Variants in TULP2 observed in about 807,000 individuals in gnomAD.
TULP2 encodes the protein tubby-related protein 2.
TULP2 carries 64 observed loss-of-function variants against 60.3 expected under a neutral mutation model. The ratio of observed to expected loss-of-function variants is 1.06; its 90% CI spans 0.87 to 1.31. The LOEUF is 1.31. Ranked by LOEUF, TULP2 falls within the 50% of genes most tolerant of loss-of-function variation. The probability of loss-of-function intolerance (pLI) is 0.00; values close to 1 mark genes in which losing one functional copy is unlikely to be tolerated. For synonymous variants in TULP2, 267 were observed against 265.4 expected (o/e 1.01, Z -0.06); for missense variants, 652 against 667.0 (o/e 0.98, Z 0.25).
In TULP2 at chr19:48,897,372, A is replaced by G. The variant is rs766155131; in HGVS notation, c.57T>C (p.Ala19=). ...GCTGTTCCAGCTTCTGCAGCCTCAT[A>G]GCAGCGAGCTCATGCCCCAGGATGC... ...MRDILGHELA[A]MRLQKLEQQR... is the part of the protein sequence containing the mutation. The change falls in exon 3 of 13, where the codon GCT becomes GCC. Residue 19 remains alanine, a synonymous_variant. Coordinates refer to ENST00000221399, the MANE Select transcript of TULP2 (RefSeq NM_003323.3). This position sits in a 1 kb window ranked among gnomAD's most constrained non-coding sequence, Gnocchi z 4.0. 3.1e-6 allele frequency: 5 copies of G among 1,613,934 alleles called. No homozygotes were observed. Among genetic ancestry groups the G allele is most frequent in the African/African-American group, 1.3e-5 (1 of 75,046 alleles).
rs2037290670 is a variant in TULP2 at position 48,897,204 on chromosome 19, T to G, written c.84+141A>C. 3 of 950,340 alleles carry G rather than the reference T, an allele frequency of 3.2e-6. No homozygotes were observed. The South Asian group carries it at 4.4e-5, about 14-fold the overall frequency. The allele number at this position is 950,340 out of a possible 1,614,324, so 58.9% of individuals were successfully genotyped here. A position where few individuals can be genotyped will look rare whatever the true frequency, so the allele number is the denominator to read the frequency against. On this transcript the variant is annotated intron_variant, in intron 3 of 12. Transcript: ENST00000221399. This position sits in a 1 kb window ranked among gnomAD's most constrained non-coding sequence, Gnocchi z 4.0. Reference sequence around the variant, plus strand: ...CCTGCCCGGCCCCAAATTCCTATTTTCTCATTTCTCAGTGGGAAAACTCAA... The same window carrying G: ...CCTGCCCGGCCCCAAATTCCTATTTGCTCATTTCTCAGTGGGAAAACTCAA...
Position 48,892,655 on chromosome 19 carries a change from C to G in TULP2, c.514+2343G>C, listed in dbSNP as rs79765159. Among the ~76,000 whole-genome samples, 597 of 152,054 alleles carry G rather than the reference C, an allele frequency of 3.9e-3. 4 individuals are homozygous for G. The highest frequency in any genetic ancestry group is 0.014 in the African/African-American group (562 of 41,476). On this transcript the variant is annotated intron_variant, in intron 6 of 12. Transcript: ENST00000221399. ...AATAGCTGGGACTACAGGCGCCCACCACCGCAACCGGCTAATTTTTTGTAT... is the reference window on the plus strand; with the variant it reads ...AATAGCTGGGACTACAGGCGCCCACGACCGCAACCGGCTAATTTTTTGTAT...
rs1312287328 is a variant in TULP2, at chr19:48,885,568, T to C, written c.949-8A>G. 1 of 1,612,048 alleles carries C rather than the reference T, an allele frequency of 6.2e-7. No homozygotes were observed. Among genetic ancestry groups the C allele is most frequent in the Non-Finnish European group, 8.5e-7 (1 of 1,178,488 alleles). On this transcript the variant is annotated splice_region_variant and splice_polypyrimidine_tract_variant and intron_variant, in intron 8 of 12. Coordinates refer to ENST00000221399, the MANE Select transcript of TULP2 (RefSeq NM_003323.3). ...CCCAGCCAGGAGGAAGCGCTATGGA[T>C]GAGAGGAACAGTCCATTAGAATGGA...
rs2037297692 is a variant in TULP2, at chr19:48,897,967, A to ATTTG, written c.-1-99_-1-98insCAAA. 4.3e-6 allele frequency: 4 copies of ATTTG among 923,056 alleles called. No individual in the cohort carries two copies. 57.2% of individuals were successfully genotyped at this position (923,056 alleles called of 1,614,324 possible). A position where few individuals can be genotyped will look rare whatever the true frequency, so the allele number is the denominator to read the frequency against. On this transcript the variant is annotated intron_variant, in intron 1 of 12. Coordinates refer to ENST00000221399, the MANE Select transcript of TULP2 (RefSeq NM_003323.3). This position sits in a 1 kb window ranked among gnomAD's most constrained non-coding sequence, Gnocchi z 4.0. ...TTTAGCCTTATTTATTTATTTATTTATTTATTTATTTATGTATTTAGAGAC... is the reference window on the plus strand; with the variant it reads ...TTTAGCCTTATTTATTTATTTATTTATTTGTTTATTTATTTATGTATTTAGAGAC...
chr19:48,893,063 T>C (rs1390534123), intron 6 of TULP2, among the ~76,000 whole-genome samples: 2 of 151,546 alleles, frequency 1.3e-5, no homozygotes, highest in Non-Finnish European at 2.9e-5. Flanking sequence ...GGCAACATAG[T>C]GACACACCAT....
In TULP2 at chr19:48,887,969, T is replaced by C; in HGVS notation, c.929A>G (p.Glu310Gly). 6.2e-7 allele frequency: 1 copy of C among 1,611,274 alleles called. No homozygotes were observed. The highest frequency in any genetic ancestry group is 8.5e-7 in the Non-Finnish European group (1 of 1,177,646). Residue 310 changes from glutamate to glycine, a missense_variant, in exon 8 of 13, where the codon GAG (glutamate) becomes GGG (glycine). Glu to Gly is a moderately conservative substitution (Grantham distance 98). Coordinates refer to ENST00000221399, the MANE Select transcript of TULP2 (RefSeq NM_003323.3). The stretch of plus-strand genomic sequence containing the variant: ...CTGCACCTGCAGGCTGTCAGAGGTC[T>C]CCAGGTAGAGGTAGTAGAGGGGGAA... ...GLFPLYYLYL[E>G]TSDSLQRFLL...
In TULP2 at chr19:48,896,314, C is replaced by T. The variant is rs569614564; in HGVS notation, c.211+116G>A. The T allele has an allele frequency of 4.3e-6, 6 of 1,380,418 alleles. No homozygotes were observed. The South Asian group carries it at 7.5e-5, about 17-fold the overall frequency. The allele number at this position is 1,380,418 out of a possible 1,614,324, so 85.5% of individuals were successfully genotyped here. A position where few individuals can be genotyped will look rare whatever the true frequency, so the allele number is the denominator to read the frequency against. ...AGCTCTCCTGGGCCAAGGCCCGCCC[C>T]CATCCACTGCCAAGTCCCCACCCTA... On this transcript the variant is annotated intron_variant, in intron 4 of 12. Coordinates refer to ENST00000221399, the MANE Select transcript of TULP2 (RefSeq NM_003323.3).
At position 48,894,716 on chromosome 19, in the gene TULP2, A is replaced by G. The variant is rs570789364; in HGVS notation, c.514+282T>C. On this transcript the variant is annotated intron_variant, in intron 6 of 12. Coordinates refer to ENST00000221399, the MANE Select transcript of TULP2 (RefSeq NM_003323.3). ...TATAAGTTATCTAGAGATGACTTACAGTATATGGGGGGATGTTCATAGTTT... is the reference window on the plus strand; with the variant it reads ...TATAAGTTATCTAGAGATGACTTACGGTATATGGGGGGATGTTCATAGTTT... Among the ~76,000 whole-genome samples the G allele has an allele frequency of 2.0e-5, 3 of 152,150 alleles. No homozygotes were observed. The South Asian group carries it at 6.2e-4, about 31-fold the overall frequency.
chr19:48,888,165 C>T lies in TULP2; in HGVS notation c.733G>A (p.Glu245Lys), dbSNP rs2270945. Reference sequence around the variant, plus strand: ...ATATGGTCGCTGTCCGTGCCACCCTCGCCTTTCAGGGCCTTGGACAACTCT... The same window carrying T: ...ATATGGTCGCTGTCCGTGCCACCCTTGCCTTTCAGGGCCTTGGACAACTCT... Reference protein sequence around the residue: ...NEELSKALKGEGGTDSDHMRH... With the variant: ...NEELSKALKGKGGTDSDHMRH... Residue 245 changes from glutamate (E) to lysine (K), a missense_variant, in exon 8 of 13, where the codon GAG (glutamate) becomes AAG (lysine). Transcript: ENST00000221399. 1.0e-4 allele frequency: 162 copies of T among 1,614,216 alleles called. 2 individuals are homozygous for T. In the East Asian group the frequency reaches 2.7e-3, roughly 27 times the overall value.
At chr19:48,888,908 C>T (rs2037207716) in intron 7 of TULP2, among the ~76,000 whole-genome samples, 1 of 151,798 alleles carries the variant, frequency 6.6e-6, no homozygotes, top group Non-Finnish European at 1.5e-5. Flanking sequence ...AGGCGTGAGT[C>T]ACCGTTCCTG....
chr19:48,893,210 A>G (rs886882653), intron 6 of TULP2, among the ~76,000 whole-genome samples: 1 of 152,022 alleles, frequency 6.6e-6, no homozygotes, highest in Admixed American at 6.6e-5. Context: ...TCTACTAAAA[A>G]ACACAAAAAA....
chr19:48,895,436 G>T lies in TULP2; in HGVS notation c.279C>A (p.Ala93=). The change falls in exon 5 of 13, where the codon GCC becomes GCA. Residue 93 remains alanine, a synonymous_variant. Transcript: ENST00000221399. ...EAHLPSGIHS[A]LGTVSCGGDG... ...CTCCACCACAGCTCACGGTGCCCAG[G>T]GCACTGTGGATGCCAGAGGGCAGAT... 1 of 1,613,900 alleles carries T rather than the reference G, an allele frequency of 6.2e-7. No individual in the cohort carries two copies. Among genetic ancestry groups the T allele is most frequent in the Non-Finnish European group, 8.5e-7 (1 of 1,179,904 alleles).
chr19:48,889,876 C>G (rs1284893018), intron 6 of TULP2, among the ~76,000 whole-genome samples: 1 of 152,160 alleles, frequency 6.6e-6, no homozygotes, highest in African/African-American at 2.4e-5. Context: ...CAGCATGCTC[C>G]TAAAGAGTCA....
At chr19:48,887,244 C>T (rs192028218) in intron 8 of TULP2, among the ~76,000 whole-genome samples, 1 of 148,034 alleles carries the variant, frequency 6.8e-6, no homozygotes, top group South Asian at 2.2e-4. Flanking sequence ...AACTCCTGAC[C>T]TTGTGATCTG....
rs113182131 is a variant in TULP2, at chr19:48,888,113, C to T, written c.785G>A (p.Arg262His). The change falls in exon 8 of 13, where the codon CGC (arginine) becomes CAC (histidine). Residue 262 changes from arginine (R) to histidine (H), a missense_variant. Coordinates refer to ENST00000221399, the MANE Select transcript of TULP2 (RefSeq NM_003323.3). ...HMRHEASLAI[R>H]SPCPGLEEDM... ...CTCCTCCAGCCCAGGGCAGGGGGAG[C>T]GGATTGCCAAGGAGGCTTCGTGCCT... 6.9e-4 allele frequency: 1,114 copies of T among 1,614,196 alleles called. 9 individuals are homozygous for T. In the African/African-American group the frequency reaches 0.012, roughly 18 times the overall value.
intron 12 of TULP2, among the ~76,000 whole-genome samples, chr19:48,881,376 ATTTT>A (rs72139613): frequency 2.2e-5 from 2 of 90,466 alleles, no homozygotes; most frequent in East Asian, 2.8e-4. Flanking sequence ...CGTCCGGCTA[ATTTT>A]TTTTTTTTTT....
Position 48,897,393 on chromosome 19 carries a change from G to C in TULP2, c.36C>G (p.Ile12Met). ...SQDNDTLMRD[I>M]LGHELAAMRL... Reference sequence around the variant, plus strand: ...TCATAGCAGCGAGCTCATGCCCCAGGATGCTGAGAGAGACACAGGCCCATG... The same window carrying C: ...TCATAGCAGCGAGCTCATGCCCCAGCATGCTGAGAGAGACACAGGCCCATG... The change falls in exon 3 of 13, where the codon ATC (isoleucine) becomes ATG (methionine). Residue 12 changes from isoleucine (I) to methionine (M), a missense_variant. Ile to Met is a conservative substitution (Grantham distance 10, BLOSUM62 1). Coordinates refer to ENST00000221399, the MANE Select transcript of TULP2 (RefSeq NM_003323.3). The surrounding 1 kb of genome is among the most constrained non-coding windows in gnomAD (Gnocchi z 4.0). 1 of 1,613,664 alleles carries C rather than the reference G, an allele frequency of 6.2e-7. No individual in the cohort carries two copies. Among genetic ancestry groups the C allele is most frequent in the South Asian group, 1.1e-5 (1 of 90,936 alleles).
At position 48,882,133 on chromosome 19, in the gene TULP2, G is replaced by C. The variant is rs1372303504; in HGVS notation, c.1346C>G (p.Thr449Ser). ...ACCGTTCTCCTTGTCCCACGACGGG[G>C]TTTTGTTGTGCAACAAAAGCAACCC... The part of the protein sequence containing the change: ...KQGLLLLHNK[T>S]PSWDKENGVY... Residue 449 changes from threonine (T) to serine (S), a missense_variant, in exon 12 of 13, where the codon ACC becomes AGC. Transcript: ENST00000221399. The C allele has an allele frequency of 6.2e-7, 1 of 1,613,170 alleles. No individual in the cohort carries two copies. Among genetic ancestry groups the C allele is most frequent in the Non-Finnish European group, 8.5e-7 (1 of 1,179,686 alleles).
At chr19:48,887,359 C>T (rs1464533306) in intron 8 of TULP2, among the ~76,000 whole-genome samples, 1 of 88,214 alleles carries the variant, frequency 1.1e-5, no homozygotes, top group Non-Finnish European at 2.5e-5. Context: ...GAGTCTAACT[C>T]TGTCGCCCAG....
Sources: allele counts gnomAD v4.1 joint callset (sites outside exome capture counted in the v4.1 genomes callset), GRCh38; gene constraint gnomAD v4.1.1; non-coding constraint Gnocchi (gnomAD v3.1); transcripts MANE v1.5; gene names NCBI Gene and HGNC (gene_info 2026-07-23, HGNC 2026-07-21).